The following LRRTM4 variants were observed in gnomAD, a reference collection of about 807,000 sequenced individuals.
The protein encoded by LRRTM4 is leucine rich repeat transmembrane neuronal 4, also known as leucine-rich repeat transmembrane neuronal protein 4.
A neutral mutation model predicts 47.6 loss-of-function variants in LRRTM4; 25 were observed. That is an observed-to-expected ratio of 0.53 (90% CI 0.38 to 0.73). The LOEUF is 0.73. Among genes scored for constraint, LRRTM4 ranks in the 30% least tolerant of loss-of-function variants. The pLI, the probability that LRRTM4 is intolerant of heterozygous loss-of-function variation, is 0.00. For synonymous variants in LRRTM4, 311 were observed against 269.5 expected (o/e 1.15, Z -1.51); for missense variants, 638 against 713.4 (o/e 0.89, Z 1.20).
intron 3 of LRRTM4, among the ~76,000 whole-genome samples, chr2:77,342,701 A>G (rs1454119285): frequency 6.6e-6 from 1 of 151,984 alleles, no homozygotes; most frequent in Admixed American, 6.6e-5. Flanking sequence ...TAAAACTGTC[A>G]AAGCTAGATG....
At chr2:77,011,503 C>T (rs927868381) in intron 3 of LRRTM4, among the ~76,000 whole-genome samples, 2 of 150,634 alleles carry the variant, frequency 1.3e-5, no homozygotes, top group South Asian at 4.2e-4. Flanking sequence ...TAAAGTCAGC[C>T]ACCAGACTGG....
rs565347177 is a variant in LRRTM4, at chr2:76,938,222, G to T, written c.1552-189306C>A. Among the ~76,000 whole-genome samples the T allele has an allele frequency of 2.6e-5, 4 of 152,152 alleles. No homozygotes were observed. In the East Asian group the frequency reaches 7.7e-4, roughly 29 times the overall value. On this transcript the variant is annotated intron_variant, in intron 3 of 3. Transcript: ENST00000409884. The stretch of plus-strand genomic sequence containing the variant: ...ATCCATCTACTGCCAAGTACAGAGA[G>T]ACTCCAGAGATTAGACTAGATATTT...
chr2:77,289,952 AG>A (rs1676774129), intron 3 of LRRTM4, among the ~76,000 whole-genome samples: 1 of 151,996 alleles, frequency 6.6e-6, no homozygotes. Flanking sequence ...AACATCCAGG[AG>A]GAATTATTGT....
At chr2:77,404,183 T>C (rs1321314934) in intron 3 of LRRTM4, among the ~76,000 whole-genome samples, 1 of 151,970 alleles carries the variant, frequency 6.6e-6, no homozygotes, top group Non-Finnish European at 1.5e-5. Context: ...AAAGACTATA[T>C]TCCAGTTTCT....
chr2:77,010,123 G>A (rs1386853776), intron 3 of LRRTM4, among the ~76,000 whole-genome samples: 2 of 151,886 alleles, frequency 1.3e-5, no homozygotes, highest in African/African-American at 4.8e-5. Flanking sequence ...TCTCATAGAA[G>A]TATCTATTTT....
At chr2:77,422,923 C>T (rs948790162) in intron 3 of LRRTM4, among the ~76,000 whole-genome samples, 1 of 151,960 alleles carries the variant, frequency 6.6e-6, no homozygotes, top group Non-Finnish European at 1.5e-5. Flanking sequence ...TCTATTTAAT[C>T]CCTACTGTAG....
intron 3 of LRRTM4, among the ~76,000 whole-genome samples, chr2:76,872,652 A>G (rs1672658392): frequency 6.6e-6 from 1 of 152,002 alleles, no homozygotes; most frequent in Non-Finnish European, 1.5e-5. Context: ...GAGGGCGTGT[A>G]TGATACCTTT....
intron 3 of LRRTM4, among the ~76,000 whole-genome samples, chr2:77,300,900 G>A (rs1677118389): frequency 6.6e-6 from 1 of 151,896 alleles, no homozygotes; most frequent in Admixed American, 6.6e-5. Context: ...AAGTCATTAA[G>A]GTGTTTTTCC....
At chr2:76,802,236 C>CAAAAAAAAAAAAACAAAAAAAAAAAAAA (rs1675736624) in intron 3 of LRRTM4, among the ~76,000 whole-genome samples, 1 of 139,296 alleles carries the variant, frequency 7.2e-6, no homozygotes, top group Non-Finnish European at 1.6e-5. Flanking sequence ...AAGACTCCAC[C>CAAAAAAAAAAAAACAAAAAAAAAAAAAA]AAAAAAAAAA....
At chr2:76,805,010 TTGACTA>T in intron 3 of LRRTM4, among the ~76,000 whole-genome samples, 1 of 152,192 alleles carries the variant, frequency 6.6e-6, no homozygotes, top group East Asian at 1.9e-4. Flanking sequence ...AAGCGGGAGA[TTGACTA>T]TGACCTTTGT....
chr2:76,920,547 A>T lies in LRRTM4; in HGVS notation c.1552-171631T>A, dbSNP rs1340686980. ...ACTTCATTTTCATACCTGTCACACT[A>T]GGTGATTTGTAGGGCTTAATGACAT... On this transcript the variant is annotated intron_variant, in intron 3 of 3. Coordinates refer to ENST00000409884, the MANE Select transcript of LRRTM4 (RefSeq NM_001134745.3). Among the ~76,000 whole-genome samples the T allele has an allele frequency of 3.3e-5, 5 of 152,114 alleles. 1 individual carries two copies. Among genetic ancestry groups the T allele is most frequent in the Admixed American group, 3.3e-4 (5 of 15,254 alleles).
chr2:77,252,660 T>A (rs1045111137), intron 3 of LRRTM4, among the ~76,000 whole-genome samples: 1 of 152,064 alleles, frequency 6.6e-6, no homozygotes, highest in Non-Finnish European at 1.5e-5. Flanking sequence ...GCAAGCACAC[T>A]GGAAGGGCAA....
chr2:77,182,175 T>C (rs1251704612), intron 3 of LRRTM4, among the ~76,000 whole-genome samples: 2 of 152,158 alleles, frequency 1.3e-5, no homozygotes, highest in East Asian at 3.8e-4. Flanking sequence ...TCAACCTAAA[T>C]GCCCATCAAT....
chr2:77,051,314 G>A (rs1304067716), intron 3 of LRRTM4, among the ~76,000 whole-genome samples: 2 of 152,110 alleles, frequency 1.3e-5, no homozygotes, highest in Non-Finnish European at 2.9e-5. Context: ...ATTACTGTTA[G>A]GAGAGTGGGA....
intron 3 of LRRTM4, among the ~76,000 whole-genome samples, chr2:76,905,031 G>C (rs1336591667): frequency 6.6e-6 from 1 of 152,108 alleles, no homozygotes; most frequent in Non-Finnish European, 1.5e-5. Context: ...TCTGAGAACA[G>C]GCAGACTGCC....
chr2:77,053,343 GA>G (rs1419740315), intron 3 of LRRTM4, among the ~76,000 whole-genome samples: 1 of 152,080 alleles, frequency 6.6e-6, no homozygotes, highest in Non-Finnish European at 1.5e-5. Flanking sequence ...AATGCAGGAT[GA>G]TGGATAGGAA....
chr2:77,233,006 A>G (rs1675009424), intron 3 of LRRTM4, among the ~76,000 whole-genome samples: 1 of 152,236 alleles, frequency 6.6e-6, no homozygotes. Flanking sequence ...GTGCAATATA[A>G]ATTAGTGGAT....
At chr2:77,000,829 C>G (rs1222596966) in intron 3 of LRRTM4, among the ~76,000 whole-genome samples, 2 of 152,058 alleles carry the variant, frequency 1.3e-5, no homozygotes, top group African/African-American at 4.8e-5. Context: ...TGAAATCAAT[C>G]CCTGAGCCTC....
At chr2:77,150,468 G>C (rs1275309356) in intron 3 of LRRTM4, among the ~76,000 whole-genome samples, 1 of 152,130 alleles carries the variant, frequency 6.6e-6, no homozygotes. Context: ...ACTAAGAAGA[G>C]AGACACCGAT....
Sources: allele counts gnomAD v4.1 joint callset (sites outside exome capture counted in the v4.1 genomes callset), GRCh38; gene constraint gnomAD v4.1.1; transcripts MANE v1.5; gene names NCBI Gene and HGNC (gene_info 2026-07-23, HGNC 2026-07-21).